ERC2: variants seen among roughly 807,000 people sequenced by gnomAD.
ERC2 encodes ELKS/RAB6-interacting/CAST family member 2.
A neutral mutation model predicts 114.8 loss-of-function variants in ERC2; 42 were observed. The ratio of observed to expected loss-of-function variants is 0.37; its 90% CI spans 0.29 to 0.47. ERC2 has a LOEUF of 0.47. Among genes scored for constraint, ERC2 ranks in the 20% least tolerant of loss-of-function variants. The pLI is 0.99. For missense variants in ERC2, 939 were observed against 1,150.7 expected (o/e 0.82, Z 2.66); for synonymous variants, 454 against 425.5 (o/e 1.07, Z -0.82).
At chr3:55,713,128 G>C (rs62249283) in intron 15 of ERC2, among the ~76,000 whole-genome samples, 5,943 of 53,430 alleles carry the variant, frequency 0.11, 168 homozygotes, top group East Asian at 0.3. Flanking sequence ...CTCTCTCTCT[G>C]TCTCACACAC....
At chr3:56,105,265 A>C (rs2078591246) in intron 6 of ERC2, among the ~76,000 whole-genome samples, 2 of 152,116 alleles carry the variant, frequency 1.3e-5, no homozygotes, top group Admixed American at 6.5e-5. Flanking sequence ...GTCACTGTGA[A>C]GACTTTGGTT....
chr3:55,805,665 A>G (rs1421463173), intron 14 of ERC2, among the ~76,000 whole-genome samples: 1 of 132,904 alleles, frequency 7.5e-6, no homozygotes, highest in Non-Finnish European at 1.6e-5. Flanking sequence ...ATTATTGCTT[A>G]TTCACAACAA....
intron 17 of ERC2, among the ~76,000 whole-genome samples, chr3:55,541,638 AT>A (rs1324143006): frequency 1.3e-5 from 2 of 152,220 alleles, no homozygotes; most frequent in Admixed American, 1.3e-4. Context: ...AGCTTTCACA[AT>A]CTTTATGTTG....
intron 2 of ERC2, among the ~76,000 whole-genome samples, chr3:56,423,563 G>A (rs964259872): frequency 6.6e-6 from 1 of 152,172 alleles, no homozygotes; most frequent in Non-Finnish European, 1.5e-5. Flanking sequence ...GACAGCTCAC[G>A]CCCAGCCATG....
At chr3:56,350,657 A>T (rs1396114792) in intron 2 of ERC2, among the ~76,000 whole-genome samples, 1 of 152,198 alleles carries the variant, frequency 6.6e-6, no homozygotes, top group Admixed American at 6.5e-5. Context: ...CCCATTGCTC[A>T]AAGAAGGCCT....
At chr3:55,797,119 T>C (rs776161498) in intron 14 of ERC2, among the ~76,000 whole-genome samples, 7 of 152,138 alleles carry the variant, frequency 4.6e-5, no homozygotes, top group Non-Finnish European at 2.9e-5. Flanking sequence ...ATTAAGCATA[T>C]GAAATAAGAC....
At chr3:56,340,170 C>G (rs2058030575) in intron 2 of ERC2, among the ~76,000 whole-genome samples, 1 of 151,982 alleles carries the variant, frequency 6.6e-6, no homozygotes. Context: ...TGAACATGCC[C>G]AATATTATTT....
chr3:56,104,576 G>A (rs140044392), intron 6 of ERC2, among the ~76,000 whole-genome samples: 214 of 151,982 alleles, frequency 1.4e-3, no homozygotes, highest in African/African-American at 4.5e-3. Flanking sequence ...AATTACTTCG[G>A]TTATTGGGCT....
intron 6 of ERC2, among the ~76,000 whole-genome samples, chr3:56,138,938 CAA>C (rs1319255979): frequency 1.4e-4 from 22 of 152,250 alleles, no homozygotes; most frequent in Admixed American, 2.6e-4. Flanking sequence ...GAAACTCACA[CAA>C]TATCAACTTT....
At chr3:56,260,097 G>T (rs2052813199) in intron 3 of ERC2, among the ~76,000 whole-genome samples, 1 of 152,136 alleles carries the variant, frequency 6.6e-6, no homozygotes, top group Admixed American at 6.5e-5. Context: ...TTCATACACT[G>T]CCCTGCCCCA....
intron 17 of ERC2, among the ~76,000 whole-genome samples, chr3:55,603,316 T>G (rs1176790286): frequency 3.3e-5 from 5 of 152,320 alleles, no homozygotes; most frequent in African/African-American, 1.2e-4. Context: ...GCCCTTGTTC[T>G]TGGATCCAGA....
chr3:56,064,477 T>G (rs1328539214), intron 7 of ERC2, among the ~76,000 whole-genome samples: 1 of 152,202 alleles, frequency 6.6e-6, no homozygotes, highest in African/African-American at 2.4e-5. Context: ...CTCCACTCCA[T>G]GTCAATGAGT....
chr3:56,199,351 G>A (rs1056191861), intron 3 of ERC2, among the ~76,000 whole-genome samples: 1 of 152,106 alleles, frequency 6.6e-6, no homozygotes, highest in South Asian at 2.1e-4. Context: ...CAAAGGCAAA[G>A]GAAAGAGATT....
intron 17 of ERC2, among the ~76,000 whole-genome samples, chr3:55,637,392 G>T (rs1228873149): frequency 6.6e-6 from 1 of 152,214 alleles, no homozygotes; most frequent in African/African-American, 2.4e-5. Context: ...ATCTCTACCT[G>T]CTGAGGACTC....
chr3:56,012,781 C>T (rs1223183011), intron 8 of ERC2, among the ~76,000 whole-genome samples: 1 of 152,162 alleles, frequency 6.6e-6, no homozygotes, highest in East Asian at 1.9e-4. Context: ...TAACTGTCAG[C>T]CGCGCAGGGC....
intron 6 of ERC2, among the ~76,000 whole-genome samples, chr3:56,110,068 G>A (rs917611747): frequency 1.3e-4 from 19 of 151,962 alleles, no homozygotes; most frequent in African/African-American, 3.4e-4. Flanking sequence ...GGCAAATCAC[G>A]GCGAAAATAT....
chr3:56,104,695 A>T (rs2078551116), intron 6 of ERC2, among the ~76,000 whole-genome samples: 1 of 151,662 alleles, frequency 6.6e-6, no homozygotes, highest in African/African-American at 2.4e-5. Flanking sequence ...AAGCTAAAGT[A>T]CCCAGCTGTA....
At chr3:56,386,719 C>A (rs2059946293) in intron 2 of ERC2, among the ~76,000 whole-genome samples, 1 of 152,138 alleles carries the variant, frequency 6.6e-6, no homozygotes, top group East Asian at 1.9e-4. Context: ...ATGAAGAGAG[C>A]ACCAGTGACA....
chr3:56,455,275 AAC>A (rs2063014205), intron 1 of ERC2, among the ~76,000 whole-genome samples: 3 of 152,222 alleles, frequency 2.0e-5, no homozygotes, highest in African/African-American at 7.2e-5. Context: ...AAGAAAAAAA[AAC>A]AACTGACATG....
Sources: allele counts gnomAD v4.1 joint callset (sites outside exome capture counted in the v4.1 genomes callset), GRCh38; gene constraint gnomAD v4.1.1; transcripts MANE v1.5; gene names NCBI Gene and HGNC (gene_info 2026-07-23, HGNC 2026-07-21).